Variants in CDYL2 observed in about 807,000 individuals in gnomAD.
The protein encoded by CDYL2 is chromodomain Y-like protein 2.
CDYL2 carries 23 observed loss-of-function variants against 49.4 expected under a neutral mutation model. The ratio of observed to expected loss-of-function variants is 0.47; its 90% CI spans 0.34 to 0.66. CDYL2 has a LOEUF of 0.66. Among genes scored for constraint, CDYL2 ranks in the 30% least tolerant of loss-of-function variants. The pLI, the probability that CDYL2 is intolerant of heterozygous loss-of-function variation, is 0.01. For synonymous variants in CDYL2, 360 were observed against 268.8 expected (o/e 1.34, Z -3.32); for missense variants, 678 against 656.4 (o/e 1.03, Z -0.36).
intron 1 of CDYL2, among the ~76,000 whole-genome samples, chr16:80,786,648 T>C (rs533879839): frequency 7.9e-5 from 12 of 152,198 alleles, no homozygotes; most frequent in African/African-American, 2.4e-4. Flanking sequence ...CATTCTACAA[T>C]AGCAAAGACT....
intron 3 of CDYL2, among the ~76,000 whole-genome samples, chr16:80,625,192 C>T (rs1411665983): frequency 6.6e-6 from 1 of 152,222 alleles, no homozygotes; most frequent in East Asian, 1.9e-4. Flanking sequence ...ATCAAGTTGT[C>T]AGCAAGACTG....
chr16:80,692,395 G>T (rs1910452384), intron 1 of CDYL2, among the ~76,000 whole-genome samples: 1 of 152,122 alleles, frequency 6.6e-6, no homozygotes, highest in Admixed American at 6.5e-5. Context: ...AGCCCAAGTG[G>T]TCCTTCAGAT....
intron 1 of CDYL2, among the ~76,000 whole-genome samples, chr16:80,703,131 TA>T (rs1904312261): frequency 6.6e-6 from 1 of 152,120 alleles, no homozygotes; most frequent in African/African-American, 2.4e-5. Flanking sequence ...AATATGCACA[TA>T]CACACACACC....
chr16:80,740,188 A>G (rs1905686045), intron 1 of CDYL2, among the ~76,000 whole-genome samples: 1 of 152,208 alleles, frequency 6.6e-6, no homozygotes, highest in South Asian at 2.1e-4. Flanking sequence ...CTGTGGAATG[A>G]GCACGTCCAG....
intron 1 of CDYL2, among the ~76,000 whole-genome samples, chr16:80,739,123 G>A (rs965234807): frequency 2.0e-5 from 3 of 152,204 alleles, no homozygotes; most frequent in African/African-American, 7.2e-5. Flanking sequence ...TGAACGCTGA[G>A]GACGTCACGC....
At chr16:80,794,774 C>T (rs1352778687) in intron 1 of CDYL2, among the ~76,000 whole-genome samples, 3 of 151,700 alleles carry the variant, frequency 2.0e-5, no homozygotes, top group Admixed American at 1.3e-4. Context: ...ACCACACACC[C>T]GGCTAATTTT....
chr16:80,691,614 T>C (rs1910418211), intron 1 of CDYL2, among the ~76,000 whole-genome samples: 1 of 152,162 alleles, frequency 6.6e-6, no homozygotes, highest in African/African-American at 2.4e-5. Context: ...AGCAGCATCA[T>C]CACACAACAT....
At chr16:80,702,632 C>G (rs1348540123) in intron 1 of CDYL2, among the ~76,000 whole-genome samples, 1 of 152,134 alleles carries the variant, frequency 6.6e-6, no homozygotes, top group Non-Finnish European at 1.5e-5. Flanking sequence ...TGTCTGTACT[C>G]CCAGCTACTC....
chr16:80,789,589 G>A lies in CDYL2; in HGVS notation c.24+14561C>T, dbSNP rs547811192. Among the ~76,000 whole-genome samples the A allele has an allele frequency of 2.0e-5, 3 of 151,120 alleles. 1 individual carries two copies. In the South Asian group the frequency reaches 6.3e-4, roughly 32 times the overall value. The stretch of plus-strand genomic sequence containing the variant: ...CACTCCAGCCTGGGCAACAGAGTGA[G>A]ACTCCAGCAAAAAAAAAAAGACACC... On this transcript the variant is annotated intron_variant, in intron 1 of 6. Transcript: ENST00000570137.
intron 3 of CDYL2, 152 bp from the exon 4 acceptor site, chr16:80,621,087 G>A (rs1377771140): frequency 1.1e-5 from 9 of 804,090 alleles, no homozygotes; most frequent in Non-Finnish European, 1.7e-5. Context: ...CTGAGTACAA[G>A]CAAGAGTCCA....
At chr16:80,688,180 T>C (rs1910274017) in intron 1 of CDYL2, among the ~76,000 whole-genome samples, 1 of 152,182 alleles carries the variant, frequency 6.6e-6, no homozygotes, top group South Asian at 2.1e-4. Context: ...CAGGTAGCTT[T>C]ATGGGGGACA....
At chr16:80,671,401 C>A (rs925670732) in intron 2 of CDYL2, among the ~76,000 whole-genome samples, 1 of 152,202 alleles carries the variant, frequency 6.6e-6, no homozygotes, top group African/African-American at 2.4e-5. Flanking sequence ...GCCACAAGTA[C>A]AACAGGGGGT....
At chr16:80,669,699 T>G (rs1161778068) in intron 2 of CDYL2, among the ~76,000 whole-genome samples, 2 of 152,124 alleles carry the variant, frequency 1.3e-5, no homozygotes, top group Non-Finnish European at 2.9e-5. Flanking sequence ...CTCAGGCAGG[T>G]GCCCCCACTG....
chr16:80,675,912 T>C lies in CDYL2; in HGVS notation c.616+8626A>G, dbSNP rs376599803. The stretch of plus-strand genomic sequence containing the variant: ...AGTGCCTAAGACTTTCCTAAGGACA[T>C]TGAGGGAGGAAAACGACAGCTGAGC... On this transcript the variant is annotated intron_variant, in intron 2 of 6. Transcript: ENST00000570137. Among the ~76,000 whole-genome samples the C allele has an allele frequency of 2.8e-4, 42 of 152,252 alleles. No individual in the cohort carries two copies. The South Asian group carries it at 8.3e-3, about 30-fold the overall frequency.
At chr16:80,647,454 C>T (rs1276300519) in intron 2 of CDYL2, among the ~76,000 whole-genome samples, 3 of 152,084 alleles carry the variant, frequency 2.0e-5, no homozygotes, top group Admixed American at 6.5e-5. Flanking sequence ...CTTCAAATTA[C>T]ATTACAGAGC....
chr16:80,655,594 G>A (rs1409109511), intron 2 of CDYL2, among the ~76,000 whole-genome samples: 1 of 152,144 alleles, frequency 6.6e-6, no homozygotes, highest in East Asian at 1.9e-4. Context: ...GGGCCCTGAG[G>A]CCATCTTACC....
Position 80,600,754 on chromosome 16 carries a change from A to G in CDYL2, c.*3634T>C, listed in dbSNP as rs1040680927. The G allele has an allele frequency of 5.9e-5, 9 of 151,998 alleles. No homozygotes were observed. The South Asian group carries it at 8.3e-4, about 14-fold the overall frequency. 9.4% of individuals were successfully genotyped at this position (151,998 alleles called of 1,614,324 possible). A position where few individuals can be genotyped will look rare whatever the true frequency, so the allele number is the denominator to read the frequency against. Reference sequence around the variant, plus strand: ...AAAATTTCCACAGAAACTAGATTGGAAAATTTAATGGATGTGACTAAATTC... The same window carrying G: ...AAAATTTCCACAGAAACTAGATTGGGAAATTTAATGGATGTGACTAAATTC... On this transcript the variant is annotated 3_prime_UTR_variant, in exon 7 of 7. Coordinates refer to ENST00000570137, the MANE Select transcript of CDYL2 (RefSeq NM_152342.4).
At position 80,648,748 on chromosome 16, in the gene CDYL2, C is replaced by T. The variant is rs138811601; in HGVS notation, c.617-15512G>A. Among the ~76,000 whole-genome samples, 1,027 of 151,066 alleles carry T rather than the reference C, an allele frequency of 6.8e-3. 15 individuals are homozygous for T. Among genetic ancestry groups the T allele is most frequent in the African/African-American group, 0.024 (988 of 41,244 alleles). The stretch of plus-strand genomic sequence containing the variant: ...CTCTCACGAGCACTGATGCAAAAAT[C>T]CTCAACAAAATACTAGCAAACTGAA... On this transcript the variant is annotated intron_variant, in intron 2 of 6. Coordinates refer to ENST00000570137, the MANE Select transcript of CDYL2 (RefSeq NM_152342.4).
At chr16:80,774,555 T>C (rs1440393443) in intron 1 of CDYL2, among the ~76,000 whole-genome samples, 1 of 152,110 alleles carries the variant, frequency 6.6e-6, no homozygotes, top group African/African-American at 2.4e-5. Context: ...TTAATGTTCA[T>C]ACCACAAAAA....
Sources: gnomAD v4.1 joint callset for allele counts (sites outside exome capture counted in the v4.1 genomes callset) on GRCh38, gnomAD v4.1.1 for gene constraint, MANE v1.5 for transcripts, NCBI Gene and HGNC (gene_info 2026-07-23, HGNC 2026-07-21) for gene names.